WWOX: variants seen among roughly 807,000 people sequenced by gnomAD.
WWOX encodes the protein WW domain-containing oxidoreductase.
In WWOX, 69 loss-of-function variants were observed where a neutral mutation model predicts 46.2. That is an observed-to-expected ratio of 1.49 (90% CI 1.23 to 1.82). The LOEUF (loss-of-function observed/expected upper bound fraction) is 1.82. WWOX is among the 40% of genes most tolerant of loss of function. The pLI is 0.00. For missense variants in WWOX, 919 were observed against 542.6 expected (o/e 1.69, Z -6.89); for synonymous variants, 359 against 202.6 (o/e 1.77, Z -6.56).
chr16:79,017,968 A>G (rs1395469988), intron 8 of WWOX, among the ~76,000 whole-genome samples: 1 of 152,224 alleles, frequency 6.6e-6, no homozygotes, highest in Non-Finnish European at 1.5e-5. Context: ...TAAAATACAC[A>G]TTTGCACACC....
At chr16:78,410,261 T>G (rs1294258265) in intron 6 of WWOX, among the ~76,000 whole-genome samples, 1 of 152,160 alleles carries the variant, frequency 6.6e-6, no homozygotes, top group Non-Finnish European at 1.5e-5. Flanking sequence ...CTCTTTTCAT[T>G]ATAAATTATC....
At chr16:78,881,224 A>C (rs2044337264) in intron 8 of WWOX, among the ~76,000 whole-genome samples, 1 of 151,984 alleles carries the variant, frequency 6.6e-6, no homozygotes, top group Non-Finnish European at 1.5e-5. Context: ...GCTGGTCTCA[A>C]AACTCCTGGG....
rs151055821 is a variant in WWOX, at chr16:78,492,596, A to G, written c.1056+59844A>G. 1.9e-3 allele frequency among the ~76,000 whole-genome samples: 282 copies of G among 152,322 alleles called. 1 individual carries two copies. The highest frequency in any genetic ancestry group is 6.5e-3 in the African/African-American group (272 of 41,584). ...ACCTGCCACTAGGAGATATTCATGGAATCACTGTTTCTCCTCCTTTTCAAA... is the reference window on the plus strand; with the variant it reads ...ACCTGCCACTAGGAGATATTCATGGGATCACTGTTTCTCCTCCTTTTCAAA... On this transcript the variant is annotated intron_variant, in intron 8 of 8. Coordinates refer to ENST00000566780, the MANE Select transcript of WWOX (RefSeq NM_016373.4).
At chr16:78,923,976 T>G (rs369298556) in intron 8 of WWOX, among the ~76,000 whole-genome samples, 245 of 151,928 alleles carry the variant, frequency 1.6e-3, no homozygotes, top group African/African-American at 5.6e-3. Flanking sequence ...ATTTTTTGTT[T>G]TATTTTGTTT....
At chr16:78,663,236 A>C (rs769846818) in intron 8 of WWOX, among the ~76,000 whole-genome samples, 6 of 152,190 alleles carry the variant, frequency 3.9e-5, no homozygotes, top group African/African-American at 7.2e-5. Context: ...AATTGATATA[A>C]ATGGAATCAT....
chr16:78,809,312 G>GA (rs371661365), intron 8 of WWOX, among the ~76,000 whole-genome samples: 1,179 of 73,602 alleles, frequency 0.016, 7 homozygotes, highest in Middle Eastern at 0.02. Context: ...TAGAGATCTT[G>GA]AAAAAAAAAA....
intron 8 of WWOX, among the ~76,000 whole-genome samples, chr16:78,646,042 CT>C (rs1245059107): frequency 1.3e-5 from 2 of 152,086 alleles, no homozygotes; most frequent in Non-Finnish European, 2.9e-5. Context: ...CTTTTAGATC[CT>C]TTGTGACTGC....
intron 8 of WWOX, among the ~76,000 whole-genome samples, chr16:78,598,811 T>A (rs566657451): frequency 3.4e-3 from 524 of 152,248 alleles, no homozygotes; most frequent in Non-Finnish European, 5.9e-3. Flanking sequence ...TGGTGAGACC[T>A]TATCTGGCCT....
chr16:78,808,337 T>C (rs940980793), intron 8 of WWOX, among the ~76,000 whole-genome samples: 1 of 152,210 alleles, frequency 6.6e-6, no homozygotes, highest in Non-Finnish European at 1.5e-5. Context: ...CTGTATATGC[T>C]GCAAGTATTT....
rs554323084 is a variant in WWOX, at chr16:78,870,754, A to C, written c.1057-340854A>C. 2.7e-3 allele frequency among the ~76,000 whole-genome samples: 409 copies of C among 152,248 alleles called. 2 individuals are homozygous for C. The highest frequency in any genetic ancestry group is 9.2e-3 in the African/African-American group (383 of 41,546). ...GTAGCTGGGATTACAGGTGCATGCC[A>C]CCATGCCCAGCTAAATTTTTGTATT... On this transcript the variant is annotated intron_variant, in intron 8 of 8. Coordinates refer to ENST00000566780, the MANE Select transcript of WWOX (RefSeq NM_016373.4).
At chr16:78,531,532 G>T (rs1168517963) in intron 8 of WWOX, among the ~76,000 whole-genome samples, 1 of 152,078 alleles carries the variant, frequency 6.6e-6, no homozygotes. Context: ...GTATGAAGTT[G>T]GATAGTTAGA....
At chr16:79,137,934 A>AG (rs1430764806) in intron 8 of WWOX, among the ~76,000 whole-genome samples, 1 of 152,006 alleles carries the variant, frequency 6.6e-6, no homozygotes, top group Admixed American at 6.6e-5. Context: ...GAAAAAAAAA[A>AG]CTTTGAAGTT....
At position 79,024,131 on chromosome 16, in the gene WWOX, T is replaced by G. The variant is rs1004396987; in HGVS notation, c.1057-187477T>G. On this transcript the variant is annotated intron_variant, in intron 8 of 8. Transcript: ENST00000566780. ...GGACTAGAGAATGACTGCTAAAGCA[T>G]TCAAGGTTTCTTTTGGGGTTGGTTA... Among the ~76,000 whole-genome samples, 8 of 152,190 alleles carry G rather than the reference T, an allele frequency of 5.3e-5. 1 individual carries two copies. The highest frequency in any genetic ancestry group is 1.2e-4 in the Non-Finnish European group (8 of 68,026).
At chr16:78,565,183 C>T (rs1456696323) in intron 8 of WWOX, among the ~76,000 whole-genome samples, 2 of 152,220 alleles carry the variant, frequency 1.3e-5, no homozygotes, top group Non-Finnish European at 2.9e-5. Context: ...CTAACTCCAT[C>T]ACTGTGTTTC....
At chr16:78,406,139 C>G (rs1193255957) in intron 6 of WWOX, among the ~76,000 whole-genome samples, 1 of 151,354 alleles carries the variant, frequency 6.6e-6, no homozygotes, top group Non-Finnish European at 1.5e-5. Context: ...CTTTCTCAAA[C>G]TTAAGCCAAC....
chr16:78,814,311 G>T (rs1425785063), intron 8 of WWOX, among the ~76,000 whole-genome samples: 2 of 151,940 alleles, frequency 1.3e-5, no homozygotes, highest in Admixed American at 6.6e-5. Context: ...TCCTGGTGAA[G>T]TATCTCCTTT....
intron 8 of WWOX, among the ~76,000 whole-genome samples, chr16:79,011,434 A>G (rs142669129): frequency 1.8e-3 from 278 of 150,722 alleles, no homozygotes; most frequent in Non-Finnish European, 2.9e-3. Context: ...TTCATCCCCC[A>G]TAGTCTTCCT....
intron 8 of WWOX, among the ~76,000 whole-genome samples, chr16:78,852,488 C>T (rs1417673419): frequency 2.6e-5 from 4 of 152,198 alleles, no homozygotes; most frequent in African/African-American, 9.6e-5. Flanking sequence ...TGCCAGCCAA[C>T]ATGAGCGAGC....
intron 8 of WWOX, among the ~76,000 whole-genome samples, chr16:78,849,259 G>C (rs1204505360): frequency 6.6e-6 from 1 of 152,124 alleles, no homozygotes; most frequent in East Asian, 1.9e-4. Flanking sequence ...AAATTGCGAA[G>C]TCACGAAGTT....
Sources: allele counts gnomAD v4.1 joint callset (sites outside exome capture counted in the v4.1 genomes callset), GRCh38; gene constraint gnomAD v4.1.1; transcripts MANE v1.5; gene names NCBI Gene and HGNC (gene_info 2026-07-23, HGNC 2026-07-21).